Variants in NOL4L observed in about 807,000 individuals in gnomAD.
NOL4L encodes nucleolar protein 4 like.
In NOL4L, 7 loss-of-function variants were observed where a neutral mutation model predicts 64.5. That is an observed-to-expected ratio of 0.11 (90% CI 0.06 to 0.20). The LOEUF (loss-of-function observed/expected upper bound fraction) is 0.20, where lower values mean the gene tolerates loss of function less well. NOL4L is among the 10% of genes least tolerant of loss of function. NOL4L has a pLI of 1.00. For synonymous variants in NOL4L, 413 were observed against 401.0 expected (o/e 1.03, Z -0.36); for missense variants, 680 against 967.1 (o/e 0.70, Z 3.94).
In NOL4L at chr20:32,491,769, C is replaced by T. The variant is rs570574944; in HGVS notation, c.700-17027G>A. On this transcript the variant is annotated intron_variant, in intron 4 of 10. Coordinates refer to ENST00000621426, the MANE Select transcript of NOL4L (RefSeq NM_001256798.2). ...ACTACCAAGGCCAGCCACAACCCTGCATTTCTACTTGCAGGTGTGTACACA... is the reference window on the plus strand; with the variant it reads ...ACTACCAAGGCCAGCCACAACCCTGTATTTCTACTTGCAGGTGTGTACACA... 1.4e-3 allele frequency among the ~76,000 whole-genome samples: 210 copies of T among 152,314 alleles called. 1 individual carries two copies. Among genetic ancestry groups the T allele is most frequent in the Non-Finnish European group, 1.9e-3 (131 of 68,026 alleles).
At chr20:32,462,912 A>AAAAAAAAAAAAAAAC (rs2014214238) in intron 5 of NOL4L, among the ~76,000 whole-genome samples, 1 of 150,434 alleles carries the variant, frequency 6.6e-6, no homozygotes, top group Non-Finnish European at 1.5e-5. Context: ...TTAAAAAAAA[A>AAAAAAAAAAAAAAAC]AAAAAAAAAA....
At position 32,517,775 on chromosome 20, in the gene NOL4L, T is replaced by G. The variant is rs150366192; in HGVS notation, c.589+3036A>C. Among the ~76,000 whole-genome samples the G allele has an allele frequency of 1.8e-3, 268 of 152,328 alleles. 2 individuals are homozygous for G. Among genetic ancestry groups the G allele is most frequent in the Admixed American group, 0.012 (176 of 15,302 alleles). On this transcript the variant is annotated intron_variant, in intron 3 of 10. Transcript: ENST00000621426. ...GGGCTGGAGGCAGGAGGCAGGGTGA[T>G]GCTCCCCAGGCACCCGCTGCGTCCC... is the stretch of plus-strand genomic sequence containing the variant.
intron 1 of NOL4L, among the ~76,000 whole-genome samples, chr20:32,581,752 C>T (rs1980487101): frequency 6.6e-6 from 1 of 152,194 alleles, no homozygotes; most frequent in African/African-American, 2.4e-5. Context: ...CACCCGAGCA[C>T]CCCAGTGCCC....
rs13044256 is a variant in NOL4L at position 32,485,093 on chromosome 20, A to T, written c.700-10351T>A. On this transcript the variant is annotated intron_variant, in intron 4 of 10. Coordinates refer to ENST00000621426, the MANE Select transcript of NOL4L (RefSeq NM_001256798.2). ...AAAAAAAAAAAAAAAAAAAACAACT[A>T]AAAAAAAACCCTGATAAGGATCCCA... Among the ~76,000 whole-genome samples, 4 of 114,586 alleles carry T rather than the reference A, an allele frequency of 3.5e-5. No individual in the cohort carries two copies. The South Asian group carries it at 9.0e-4, about 26-fold the overall frequency. 75.2% of individuals were successfully genotyped at this position (114,586 alleles called of 152,430 possible).
At position 32,444,814 on chromosome 20, in the gene NOL4L, T is replaced by C. The variant is rs2012261126; in HGVS notation, c.*2782A>G. 6.6e-6 allele frequency: 1 copy of C among 152,248 alleles called. No homozygotes were observed. The highest frequency in any genetic ancestry group is 1.5e-5 in the Non-Finnish European group (1 of 68,050). 9.4% of individuals were successfully genotyped at this position (152,248 alleles called of 1,614,324 possible). A position where few individuals can be genotyped will look rare whatever the true frequency, so the allele number is the denominator to read the frequency against. On this transcript the variant is annotated 3_prime_UTR_variant, in exon 11 of 11. Coordinates refer to ENST00000621426, the MANE Select transcript of NOL4L (RefSeq NM_001256798.2). ...TTAAATGGCTGTGGGACAAGGGCTT[T>C]GGGAGCTCCTTTTGGGAGAAGGCAG...
intron 1 of NOL4L, chr20:32,536,079 G>T: frequency 2.0e-6 from 2 of 985,458 alleles, no homozygotes; most frequent in Non-Finnish European, 2.4e-6. Context: ...GACACCATAG[G>T]CATAATGGCT....
intron 1 of NOL4L, among the ~76,000 whole-genome samples, chr20:32,544,244 G>GT (rs1475224799): frequency 6.6e-6 from 1 of 151,472 alleles, no homozygotes; most frequent in African/African-American, 2.4e-5. Flanking sequence ...GAGAGAAGTG[G>GT]TTAGACCCAA....
intron 3 of NOL4L, among the ~76,000 whole-genome samples, chr20:32,515,756 G>A (rs796218907): frequency 2.6e-5 from 4 of 152,266 alleles, no homozygotes; most frequent in African/African-American, 7.2e-5. Flanking sequence ...CTGATAGTGC[G>A]GCACCGCTGG....
In NOL4L at chr20:32,447,221, A is replaced by G. The variant is rs568263532; in HGVS notation, c.*375T>C. The G allele has an allele frequency of 4.1e-6, 2 of 488,926 alleles. No individual in the cohort carries two copies. Among genetic ancestry groups the G allele is most frequent in the East Asian group, 1.2e-4 (2 of 16,738 alleles). The allele number at this position is 488,926 out of a possible 1,614,324, so 30.3% of individuals were successfully genotyped here. A position where few individuals can be genotyped will look rare whatever the true frequency, so the allele number is the denominator to read the frequency against. ...CTTTGCTTTTCTCAATAAATATGCAATTCTGCTCACCTAAGACTTGAAAGG... is the reference window on the plus strand; with the variant it reads ...CTTTGCTTTTCTCAATAAATATGCAGTTCTGCTCACCTAAGACTTGAAAGG... On this transcript the variant is annotated 3_prime_UTR_variant, in exon 11 of 11. Coordinates refer to ENST00000621426, the MANE Select transcript of NOL4L (RefSeq NM_001256798.2).
intron 1 of NOL4L, among the ~76,000 whole-genome samples, chr20:32,550,024 G>A (rs1240132073): frequency 6.6e-6 from 1 of 152,166 alleles, no homozygotes; most frequent in East Asian, 1.9e-4. Flanking sequence ...TCCATCAACT[G>A]TTGAATAAAT....
chr20:32,509,517 C>CAA (rs71338441), intron 4 of NOL4L, among the ~76,000 whole-genome samples: 2,084 of 62,036 alleles, frequency 0.034, 125 homozygotes, highest in African/African-American at 0.077. Context: ...GACTCTGCCT[C>CAA]AAAAAAAAAA....
rs577984273 is a variant in NOL4L, at chr20:32,523,724, C to T, written c.478-2802G>A. Among the ~76,000 whole-genome samples, 236 of 152,338 alleles carry T rather than the reference C, an allele frequency of 1.5e-3. 7 individuals carry two copies. In the South Asian group the frequency reaches 0.048, roughly 31 times the overall value. Reference sequence around the variant, plus strand: ...CTTGTCCCTGCCCAACTGCCCTCCGCTGCCCTGGGCTGCCTGCTGCCTTGC... The same window carrying T: ...CTTGTCCCTGCCCAACTGCCCTCCGTTGCCCTGGGCTGCCTGCTGCCTTGC... On this transcript the variant is annotated intron_variant, in intron 2 of 10. Coordinates refer to ENST00000621426, the MANE Select transcript of NOL4L (RefSeq NM_001256798.2).
rs140482364 is a variant in NOL4L, at chr20:32,535,247, A to T, written c.322-7334T>A. On this transcript the variant is annotated intron_variant, in intron 1 of 10. Coordinates refer to ENST00000621426, the MANE Select transcript of NOL4L (RefSeq NM_001256798.2). Reference sequence around the variant, plus strand: ...AGTATTTTAATTTCTCTCGGTTCTGAATACTACCTACTGGGGACTGGAAAT... The same window carrying T: ...AGTATTTTAATTTCTCTCGGTTCTGTATACTACCTACTGGGGACTGGAAAT... 8.7e-4 allele frequency among the ~76,000 whole-genome samples: 132 copies of T among 151,090 alleles called. 1 individual carries two copies. The East Asian group carries it at 0.025, about 28-fold the overall frequency.
chr20:32,476,478 C>T (rs1374476235), intron 4 of NOL4L, among the ~76,000 whole-genome samples: 3 of 152,210 alleles, frequency 2.0e-5, no homozygotes, highest in Non-Finnish European at 4.4e-5. Context: ...TTCCTGGATG[C>T]CCAGGGGGTG....
rs1474113075 is a variant in NOL4L, at chr20:32,447,652, C to T, written c.1987G>A (p.Ala663Thr). ...QLIAGYRESA[A>T]FLLRSADELE... ...TCATCTGCAGAGCGCAGCAGGAAGG[C>T]AGCAGACTCCCGGTAGCCCGCGATG... Residue 663 changes from alanine (A) to threonine (T), a missense_variant, in exon 11 of 11, where the codon GCC becomes ACC. Coordinates refer to ENST00000621426, the MANE Select transcript of NOL4L (RefSeq NM_001256798.2). 3 of 1,611,396 alleles carry T rather than the reference C, an allele frequency of 1.9e-6. No individual in the cohort carries two copies.
intron 10 of NOL4L, chr20:32,451,551 G>A (rs1308531179): frequency 6.6e-6 from 1 of 152,294 alleles, no homozygotes; most frequent in Non-Finnish European, 1.5e-5. Context: ...CTAATGGTCT[G>A]TGCCCCATCT....
At chr20:32,507,434 G>A (rs2017181729) in intron 4 of NOL4L, among the ~76,000 whole-genome samples, 1 of 152,146 alleles carries the variant, frequency 6.6e-6, no homozygotes, top group Non-Finnish European at 1.5e-5. Context: ...TCTTCTTTCT[G>A]TGAATCTTGT....
chr20:32,537,674 GC>G (rs1334296007), intron 1 of NOL4L, among the ~76,000 whole-genome samples: 2 of 151,988 alleles, frequency 1.3e-5, no homozygotes, highest in Non-Finnish European at 2.9e-5. Flanking sequence ...CCTCAGTTCA[GC>G]CCACGCAGGT....
intron 1 of NOL4L, among the ~76,000 whole-genome samples, chr20:32,530,244 G>A (rs538210696): frequency 7.8e-4 from 119 of 152,342 alleles, no homozygotes; most frequent in African/African-American, 2.7e-3. Flanking sequence ...CCTTAAGAAT[G>A]AATATAGCTG....
Sources: allele counts gnomAD v4.1 joint callset (sites outside exome capture counted in the v4.1 genomes callset), GRCh38; gene constraint gnomAD v4.1.1; transcripts MANE v1.5; gene names NCBI Gene and HGNC (gene_info 2026-07-23, HGNC 2026-07-21).